TRPV4: variants seen among roughly 807,000 people sequenced by gnomAD.
TRPV4 encodes the protein OSM9-like transient receptor potential channel 4.
A neutral mutation model predicts 84.1 loss-of-function variants in TRPV4; 58 were observed. That is an observed-to-expected ratio of 0.69 (90% CI 0.56 to 0.86). TRPV4 has a LOEUF of 0.86. Ranked by LOEUF, TRPV4 falls within the 40% of genes least tolerant of loss-of-function variation. The pLI, the probability that TRPV4 is intolerant of heterozygous loss-of-function variation, is 0.00. For missense variants in TRPV4, 879 were observed against 1,181.1 expected (o/e 0.74, Z 3.75); for synonymous variants, 489 against 500.9 (o/e 0.98, Z 0.32).
intron 14 of TRPV4, among the ~76,000 whole-genome samples, chr12:109,785,804 G>A (rs936428037): frequency 6.6e-6 from 1 of 151,902 alleles, no homozygotes; most frequent in Non-Finnish European, 1.5e-5. Context: ...AGGCTGAGGT[G>A]GGAAGATCGC....
chr12:109,808,487 C>A lies in TRPV4; in HGVS notation c.387-19G>T. ...CTGCTTCCTGGAGGAGGTAGGGAGG[C>A]AAGTTGATGGGAGGGCTCATCCCCT... On this transcript the variant is annotated intron_variant, in intron 2 of 15. Coordinates refer to ENST00000261740, the MANE Select transcript of TRPV4 (RefSeq NM_021625.5). The A allele has an allele frequency of 1.2e-6, 2 of 1,606,050 alleles. No individual in the cohort carries two copies. The highest frequency in any genetic ancestry group is 1.7e-6 in the Non-Finnish European group (2 of 1,175,000).
rs1365389740 is a variant in TRPV4 at position 109,796,460 on chromosome 12, G to A, written c.1332+65C>T. The A allele has an allele frequency of 2.5e-6, 4 of 1,588,640 alleles. 1 individual carries two copies. Among genetic ancestry groups the A allele is most frequent in the East Asian group, 2.3e-5 (1 of 43,958 alleles). On this transcript the variant is annotated intron_variant, in intron 7 of 15. Coordinates refer to ENST00000261740, the MANE Select transcript of TRPV4 (RefSeq NM_021625.5). This position sits in a 1 kb window ranked among gnomAD's most constrained non-coding sequence, Gnocchi z 4.2. Reference sequence around the variant, plus strand: ...CTGTCTCCCCCAGCCCAGCCCCAGGGCCCTGTCCCTACTCCCAGCCCTGCC... The same window carrying A: ...CTGTCTCCCCCAGCCCAGCCCCAGGACCCTGTCCCTACTCCCAGCCCTGCC...
intron 1 of TRPV4, among the ~76,000 whole-genome samples, chr12:109,824,100 G>C (rs1236106444): frequency 6.6e-6 from 1 of 151,868 alleles, no homozygotes; most frequent in Non-Finnish European, 1.5e-5. Context: ...CAAGTAGCTG[G>C]GATTACAGGT....
In TRPV4 at chr12:109,803,070, A is replaced by G. The variant is rs1165376045; in HGVS notation, c.633T>C (p.Pro211=). ...TGCGCTCCGCGATGTCCAGCAGCAC[A>G]GGGATGGTGTCGTTGCGGCCATTGC... ...NLSNGRNDTI[P]VLLDIAERTG... is the part of the protein sequence containing the mutation. Residue 211 remains proline, a synonymous_variant, in exon 4 of 16, where the codon CCT becomes CCC. Coordinates refer to ENST00000261740, the MANE Select transcript of TRPV4 (RefSeq NM_021625.5). 1.2e-6 allele frequency: 2 copies of G among 1,614,224 alleles called. No homozygotes were observed. Among genetic ancestry groups the G allele is most frequent in the Admixed American group, 3.3e-5 (2 of 60,032 alleles).
intron 3 of TRPV4, among the ~76,000 whole-genome samples, chr12:109,804,123 G>A (rs535533480): frequency 2.2e-4 from 33 of 152,234 alleles, no homozygotes; most frequent in African/African-American, 5.1e-4. Context: ...ATCCACTATC[G>A]AATCTTTCTC....
chr12:109,816,817 C>T (rs937146074), intron 1 of TRPV4, among the ~76,000 whole-genome samples: 2 of 152,196 alleles, frequency 1.3e-5, no homozygotes, highest in Non-Finnish European at 2.9e-5. Flanking sequence ...CCTCTCTGAG[C>T]CTCAGTTTCC....
rs1010674893 is a variant in TRPV4 at position 109,792,348 on chromosome 12, G to A, written c.1891+15C>T. 6.2e-7 allele frequency: 1 copy of A among 1,611,910 alleles called. No individual in the cohort carries two copies. Among genetic ancestry groups the A allele is most frequent in the Non-Finnish European group, 8.5e-7 (1 of 1,178,772 alleles). On this transcript the variant is annotated intron_variant, in intron 12 of 15. Coordinates refer to ENST00000261740, the MANE Select transcript of TRPV4 (RefSeq NM_021625.5). ...CACCACCCCTGCCAGGACCACCTGA[G>A]CACCCAGAGCTCACCTGAAGCGTAG...
rs1429085116 is a variant in TRPV4 at position 109,786,585 on chromosome 12, C to T, written c.2336+125G>A. ...TCGCCTGGTGGAAATGAACTCTGCT[C>T]GGGCCTCTTGGGGCCTCAGTGGCTC... On this transcript the variant is annotated intron_variant, in intron 14 of 15. Transcript: ENST00000261740. This position sits in a 1 kb window ranked among gnomAD's most constrained non-coding sequence, Gnocchi z 4.5. The T allele has an allele frequency of 2.3e-6, 3 of 1,278,530 alleles. No individual in the cohort carries two copies. Among genetic ancestry groups the T allele is most frequent in the Non-Finnish European group, 3.3e-6 (3 of 911,952 alleles). 79.2% of individuals were successfully genotyped at this position (1,278,530 alleles called of 1,614,324 possible). A position where few individuals can be genotyped will look rare whatever the true frequency, so the allele number is the denominator to read the frequency against.
chr12:109,791,572 C>G (rs532030012), intron 12 of TRPV4, among the ~76,000 whole-genome samples: 25 of 149,872 alleles, frequency 1.7e-4, no homozygotes, highest in Non-Finnish European at 3.3e-4. Flanking sequence ...AACCTCCACC[C>G]CCTGGGTTCA....
chr12:109,783,446 A>C lies in TRPV4; in HGVS notation c.*175T>G. 2 of 818,432 alleles carry C rather than the reference A, an allele frequency of 2.4e-6. No homozygotes were observed. The highest frequency in any genetic ancestry group is 3.7e-6 in the Non-Finnish European group (2 of 541,712). 50.7% of individuals were successfully genotyped at this position (818,432 alleles called of 1,614,324 possible). A position where few individuals can be genotyped will look rare whatever the true frequency, so the allele number is the denominator to read the frequency against. ...ACAGGTGGCCGGGAGCCCCCACCCC[A>C]GGGTGGGGAGGCAGAGCCAGGGGAC... On this transcript the variant is annotated 3_prime_UTR_variant, in exon 16 of 16. Transcript: ENST00000261740. This position sits in a 1 kb window ranked among gnomAD's most constrained non-coding sequence, Gnocchi z 4.6.
intron 1 of TRPV4, among the ~76,000 whole-genome samples, chr12:109,820,516 A>ATTTTTTTTTTTTTTTTTTT (rs1166251387): frequency 2.2e-5 from 2 of 92,388 alleles, no homozygotes; most frequent in African/African-American, 1.0e-4. Context: ...CAGCTGCCCT[A>ATTTTTTTTTTTTTTTTTTT]TTTTTTTTTT....
chr12:109,790,202 G>T (rs577359340), intron 12 of TRPV4, among the ~76,000 whole-genome samples: 2 of 152,164 alleles, frequency 1.3e-5, no homozygotes, highest in Non-Finnish European at 1.5e-5. Context: ...GGCCACTATC[G>T]TGGGTTAAAA....
chr12:109,814,690 A>T lies in TRPV4; in HGVS notation c.107T>A (p.Leu36Gln). 6.2e-7 allele frequency: 1 copy of T among 1,611,454 alleles called. No homozygotes were observed. ...PGGEAFPLSS[L>Q]ANLFEGEDGS... ...ATCCTCCCCCTCAAACAGATTGGCC[A>T]GGGAGGAGAGAGGAAAAGCCTCCCC... The change falls in exon 2 of 16, where the codon CTG (leucine) becomes CAG (glutamine). Residue 36 changes from leucine to glutamine, a missense_variant. By Grantham distance (113) the Leu-to-Gln change is moderately radical. Transcript: ENST00000261740. This position sits in a 1 kb window ranked among gnomAD's most constrained non-coding sequence, Gnocchi z 5.4.
intron 1 of TRPV4, among the ~76,000 whole-genome samples, chr12:109,827,827 TATACACATATACAC>T (rs1445667599): frequency 2.0e-5 from 3 of 151,146 alleles, no homozygotes; most frequent in Non-Finnish European, 4.4e-5. Flanking sequence ...CATACACATA[TATACACATATACAC>T]ATACACATAT....
Position 109,788,473 on chromosome 12 carries a change from T to C in TRPV4, c.2135A>G (p.Asn712Ser), listed in dbSNP as rs781535430. ...YIILTFVLLL[N>S]MLIALMGETV... ...CTCGCCCATGAGGGCAATGAGCATG[T>C]TGAGGAGCAGCACAAAGGTGAGGAT... Residue 712 changes from asparagine (N) to serine (S), a missense_variant, in exon 13 of 16, where the codon AAC becomes AGC. Physicochemically the swap from Asn to Ser is conservative, Grantham distance 46 (BLOSUM62 1). Transcript: ENST00000261740. 1.2e-6 allele frequency: 2 copies of C among 1,614,188 alleles called. No homozygotes were observed. Among genetic ancestry groups the C allele is most frequent in the East Asian group, 2.2e-5 (1 of 44,868 alleles).
At chr12:109,800,466 C>A in intron 5 of TRPV4, 152 bp downstream of exon 5, 1 of 961,598 alleles carries the variant, frequency 1.0e-6, no homozygotes. Context: ...GACCAACGTG[C>A]AGCCTGTGGT....
intron 13 of TRPV4, 111 bp downstream of exon 13, chr12:109,788,289 T>C (rs943510211): frequency 1.9e-6 from 2 of 1,041,346 alleles, no homozygotes; most frequent in Non-Finnish European, 2.8e-6. Flanking sequence ...GGAGGGAGAA[T>C]GAGAAGACAC....
At chr12:109,826,346 A>G (rs747820512) in intron 1 of TRPV4, among the ~76,000 whole-genome samples, 11 of 152,214 alleles carry the variant, frequency 7.2e-5, no homozygotes, top group Non-Finnish European at 1.6e-4. Flanking sequence ...TTTAATCCAA[A>G]TAATAACTAT....
rs1891711711 is a variant in TRPV4 at position 109,814,203 on chromosome 12, T to C, written c.386+208A>G. ...GTGGATGGTTGGATGGATGGACGAA[T>C]AGATGGGTGGTTGGATGGATGGATG... On this transcript the variant is annotated intron_variant, in intron 2 of 15. Transcript: ENST00000261740. The surrounding 1 kb of genome is among the most constrained non-coding windows in gnomAD (Gnocchi z 5.4). 6.6e-6 allele frequency among the ~76,000 whole-genome samples: 1 copy of C among 150,510 alleles called. No individual in the cohort carries two copies. Among genetic ancestry groups the C allele is most frequent in the Admixed American group, 6.6e-5 (1 of 15,146 alleles).
Sources: allele counts gnomAD v4.1 joint callset (sites outside exome capture counted in the v4.1 genomes callset), GRCh38; gene constraint gnomAD v4.1.1; non-coding constraint Gnocchi (gnomAD v3.1); transcripts MANE v1.5; gene names NCBI Gene and HGNC (gene_info 2026-07-23, HGNC 2026-07-21).